The following MARK1 variants were observed in gnomAD, a reference collection of about 807,000 sequenced individuals.
MARK1 encodes serine/threonine-protein kinase MARK1.
Under a neutral mutation model 96.3 loss-of-function variants are expected in MARK1, and 40 were observed. That is an observed-to-expected ratio of 0.42 (90% CI 0.32 to 0.54). The LOEUF (loss-of-function observed/expected upper bound fraction) is 0.54. Among genes scored for constraint, MARK1 ranks in the 20% least tolerant of loss-of-function variants. The pLI, the probability that MARK1 is intolerant of heterozygous loss-of-function variation, is 0.16. For missense variants in MARK1, 719 were observed against 984.6 expected (o/e 0.73, Z 3.61); for synonymous variants, 317 against 341.2 (o/e 0.93, Z 0.78).
At chr1:220,539,270 T>A (rs1169648499) in intron 1 of MARK1, among the ~76,000 whole-genome samples, 6 of 152,146 alleles carry the variant, frequency 3.9e-5, no homozygotes, top group African/African-American at 1.4e-4. Context: ...TGAGAGTTTT[T>A]AGTATGAAGT....
intron 1 of MARK1, among the ~76,000 whole-genome samples, chr1:220,554,753 T>G (rs1174154374): frequency 1.3e-5 from 2 of 152,200 alleles, no homozygotes; most frequent in Non-Finnish European, 2.9e-5. Flanking sequence ...CATAACCAAC[T>G]TATAAAACTT....
intron 1 of MARK1, among the ~76,000 whole-genome samples, chr1:220,537,804 C>T (rs1044922516): frequency 1.3e-4 from 20 of 151,840 alleles, no homozygotes; most frequent in African/African-American, 4.6e-4. Flanking sequence ...TGGTATCTCA[C>T]TGTGGTTTTG....
rs566025219 is a variant in MARK1, at chr1:220,534,149, C to T, written c.51+5276C>T. On this transcript the variant is annotated intron_variant, in intron 1 of 17. Transcript: ENST00000366917. ...GCAATTTTATTTTTTTATTTTTTCA[C>T]GTCTTATTTTTTATTTAATTTTATG... 5.9e-5 allele frequency among the ~76,000 whole-genome samples: 9 copies of T among 151,394 alleles called. No individual in the cohort carries two copies. In the East Asian group the frequency reaches 7.8e-4, roughly 13 times the overall value.
intron 13 of MARK1, among the ~76,000 whole-genome samples, chr1:220,638,704 A>C (rs1179474935): frequency 2.6e-5 from 4 of 152,200 alleles, no homozygotes; most frequent in Non-Finnish European, 5.9e-5. Flanking sequence ...AACATAAGCG[A>C]AAAGATTTTG....
chr1:220,553,869 A>C (rs911084562), intron 1 of MARK1, among the ~76,000 whole-genome samples: 1 of 152,210 alleles, frequency 6.6e-6, no homozygotes, highest in South Asian at 2.1e-4. Flanking sequence ...AGTTACTTCA[A>C]GCACCAGTGA....
At chr1:220,624,180 C>G (rs562066764) in intron 9 of MARK1, among the ~76,000 whole-genome samples, 6 of 151,694 alleles carry the variant, frequency 4.0e-5, no homozygotes, top group African/African-American at 1.2e-4. Context: ...CGCCTGTAAT[C>G]CCAGCTACTC....
chr1:220,542,749 C>G (rs891200680), intron 1 of MARK1, among the ~76,000 whole-genome samples: 3 of 152,082 alleles, frequency 2.0e-5, no homozygotes, highest in African/African-American at 7.2e-5. Flanking sequence ...TTGGAGGTCT[C>G]TCTTACTCTC....
chr1:220,626,429 T>C (rs1482504377), intron 9 of MARK1: 10 of 544,808 alleles, frequency 1.8e-5, no homozygotes, highest in Admixed American at 7.7e-5. Context: ...CGAGATGGGA[T>C]TGACGACAAG....
intron 3 of MARK1, among the ~76,000 whole-genome samples, chr1:220,587,369 T>G (rs1664709956): frequency 6.6e-6 from 1 of 150,638 alleles, no homozygotes; most frequent in African/African-American, 2.5e-5. Context: ...CTCTCTGTCT[T>G]TCTTTCTTTC....
intron 1 of MARK1, among the ~76,000 whole-genome samples, chr1:220,574,836 G>A (rs75305088): frequency 0.031 from 4,789 of 152,166 alleles, 103 homozygotes; most frequent in Middle Eastern, 0.068. Context: ...ACCTGTATTG[G>A]TGCTAATATC....
At chr1:220,647,096 C>T (rs1480358042) in intron 13 of MARK1, among the ~76,000 whole-genome samples, 1 of 152,132 alleles carries the variant, frequency 6.6e-6, no homozygotes, top group Non-Finnish European at 1.5e-5. Flanking sequence ...GCAAAATAAA[C>T]TGTCATCAGA....
chr1:220,653,775 C>A (rs954207745), intron 16 of MARK1, among the ~76,000 whole-genome samples: 1 of 152,064 alleles, frequency 6.6e-6, no homozygotes, highest in Non-Finnish European at 1.5e-5. Flanking sequence ...AGCCTACACA[C>A]CAGAGTCACA....
chr1:220,592,820 T>G (rs1665087009), intron 3 of MARK1, among the ~76,000 whole-genome samples: 1 of 152,302 alleles, frequency 6.6e-6, no homozygotes, highest in Non-Finnish European at 1.5e-5. Context: ...TGCACAGATG[T>G]CACTCACTGT....
chr1:220,658,292 G>T (rs562286788), intron 17 of MARK1, among the ~76,000 whole-genome samples: 1 of 152,276 alleles, frequency 6.6e-6, no homozygotes, highest in African/African-American at 2.4e-5. Flanking sequence ...TACTTTTGGG[G>T]ATTTCTTTTT....
At chr1:220,641,678 CA>C (rs1668277906) in intron 13 of MARK1, among the ~76,000 whole-genome samples, 2 of 149,940 alleles carry the variant, frequency 1.3e-5, no homozygotes, top group Non-Finnish European at 3.0e-5. Context: ...GAGAGGAACG[CA>C]AAAGGCGAGT....
At chr1:220,586,128 G>T (rs1173924623) in intron 3 of MARK1, among the ~76,000 whole-genome samples, 2 of 152,142 alleles carry the variant, frequency 1.3e-5, no homozygotes, top group Non-Finnish European at 2.9e-5. Flanking sequence ...TTCAGATGGC[G>T]TTTTATTGTT....
At chr1:220,586,007 A>ACGCACG (rs774098418) in intron 3 of MARK1, among the ~76,000 whole-genome samples, 1 of 61,716 alleles carries the variant, frequency 1.6e-5, no homozygotes, top group African/African-American at 3.5e-5. Context: ...ACACACACAC[A>ACGCACG]CACACGCGCG....
chr1:220,660,194 G>A (rs1669398684), intron 17 of MARK1, among the ~76,000 whole-genome samples: 1 of 152,168 alleles, frequency 6.6e-6, no homozygotes, highest in Admixed American at 6.5e-5. Flanking sequence ...ATGTGACCTT[G>A]GTAAATGACT....
intron 1 of MARK1, among the ~76,000 whole-genome samples, chr1:220,553,206 C>T (rs541913087): frequency 6.6e-6 from 1 of 152,244 alleles, no homozygotes; most frequent in South Asian, 2.1e-4. Context: ...TCAGCCAAGC[C>T]ATTAGCACCA....
Sources: allele counts gnomAD v4.1 joint callset (sites outside exome capture counted in the v4.1 genomes callset), GRCh38; gene constraint gnomAD v4.1.1; transcripts MANE v1.5; gene names NCBI Gene and HGNC (gene_info 2026-07-23, HGNC 2026-07-21).